The following USP33 variants were observed in gnomAD, a reference collection of about 807,000 sequenced individuals.
USP33 encodes ubiquitin specific peptidase 33, also known as ubiquitin carboxyl-terminal hydrolase 33.
In USP33, 46 loss-of-function variants were observed where a neutral mutation model predicts 124.2. The observed-to-expected ratio is 0.37, with a 90% CI of 0.29 to 0.47. The LOEUF (loss-of-function observed/expected upper bound fraction) is 0.47. Among genes scored for constraint, USP33 ranks in the 20% least tolerant of loss-of-function variants. The probability of loss-of-function intolerance (pLI) is 0.99; values close to 1 mark genes in which losing one functional copy is unlikely to be tolerated. For missense variants in USP33, 851 were observed against 1,070.6 expected (o/e 0.79, Z 2.86); for synonymous variants, 350 against 352.3 (o/e 0.99, Z 0.07).
At chr1:77,733,926 T>C (rs183249792) in intron 7 of USP33, among the ~76,000 whole-genome samples, 1 of 152,266 alleles carries the variant, frequency 6.6e-6, no homozygotes, top group Non-Finnish European at 1.5e-5. Context: ...ATCACCTGAC[T>C]CAATGCATCC....
At chr1:77,753,057 T>C (rs929704697) in intron 1 of USP33, among the ~76,000 whole-genome samples, 1 of 151,864 alleles carries the variant, frequency 6.6e-6, no homozygotes. Flanking sequence ...CCAGTCTGGG[T>C]GACAAGAGCA....
At position 77,729,798 on chromosome 1, in the gene USP33, AC is replaced by A. The variant is rs1267479602; in HGVS notation, c.717+61del. 5.2e-6 allele frequency: 8 copies of A among 1,546,118 alleles called. No individual in the cohort carries two copies. The South Asian group carries it at 5.7e-5, about 11-fold the overall frequency. ...CAAAAGATAAGTAGACCCAAAAAAA[AC>A]ATAATGGCATTTTCCAAATTTATTT... On this transcript the variant is annotated intron_variant, in intron 9 of 23. Coordinates refer to ENST00000370794, the MANE Select transcript of USP33 (RefSeq NM_201624.3).
chr1:77,753,011 G>A (rs574944588), intron 1 of USP33, among the ~76,000 whole-genome samples: 1 of 152,216 alleles, frequency 6.6e-6, no homozygotes, highest in South Asian at 2.1e-4. Flanking sequence ...CCCGCGAAGA[G>A]GAGGTCGAAG....
rs776235721 is a variant in USP33, at chr1:77,697,264, A to G, written c.*53T>C. The G allele has an allele frequency of 2.0e-6, 3 of 1,469,382 alleles. No homozygotes were observed. The African/African-American group carries it at 4.3e-5, about 21-fold the overall frequency. The allele number at this position is 1,469,382 out of a possible 1,614,324, so 91.0% of individuals were successfully genotyped here. A position where few individuals can be genotyped will look rare whatever the true frequency, so the allele number is the denominator to read the frequency against. On this transcript the variant is annotated 3_prime_UTR_variant, in exon 24 of 24. Coordinates refer to ENST00000370794, the MANE Select transcript of USP33 (RefSeq NM_201624.3). ...TTTAGGAATGTTTTCGCATGTGTAC[A>G]TGTCAGGGCACATGAAAATGATTCC...
intron 21 of USP33, among the ~76,000 whole-genome samples, chr1:77,706,945 C>G (rs1357047970): frequency 6.6e-6 from 1 of 152,188 alleles, no homozygotes; most frequent in East Asian, 1.9e-4. Flanking sequence ...GTGAACACAA[C>G]AACAATTTGA....
chr1:77,734,320 TAAAAC>T, intron 7 of USP33, 22 bp downstream of exon 7: 3 of 1,513,754 alleles, frequency 2.0e-6, no homozygotes, highest in Non-Finnish European at 2.7e-6. Flanking sequence ...ATTATACAAA[TAAAAC>T]AAAATTAATT....
chr1:77,739,226 A>T, intron 5 of USP33, 39 bp downstream of exon 5: 1 of 1,566,572 alleles, frequency 6.4e-7, no homozygotes, highest in Non-Finnish European at 8.6e-7. Context: ...TTATTACCGG[A>T]ATGTTTTACA....
intron 1 of USP33, among the ~76,000 whole-genome samples, chr1:77,748,024 C>T (rs1239292264): frequency 6.6e-6 from 1 of 152,214 alleles, no homozygotes; most frequent in Non-Finnish European, 1.5e-5. Flanking sequence ...ACAAAAGACA[C>T]ACCTCCTCAC....
intron 1 of USP33, among the ~76,000 whole-genome samples, chr1:77,744,911 G>A (rs1679568486): frequency 6.6e-6 from 1 of 152,232 alleles, no homozygotes; most frequent in South Asian, 2.1e-4. Flanking sequence ...TTGATATGGT[G>A]TGGAAAGTTC....
chr1:77,727,060 T>A (rs976439118), intron 10 of USP33, among the ~76,000 whole-genome samples: 1 of 152,208 alleles, frequency 6.6e-6, no homozygotes, highest in East Asian at 1.9e-4. Context: ...AATATTTCAA[T>A]CATGACTAAA....
At chr1:77,738,500 A>G (rs1397958799) in intron 5 of USP33, among the ~76,000 whole-genome samples, 4 of 148,090 alleles carry the variant, frequency 2.7e-5, no homozygotes, top group Non-Finnish European at 4.5e-5. Context: ...TTTTTTTTTT[A>G]GATGGAGTCT....
In USP33 at chr1:77,723,385, T is replaced by C; in HGVS notation, c.1335A>G (p.Ser445=). 6.2e-7 allele frequency: 1 copy of C among 1,613,552 alleles called. No individual in the cohort carries two copies. The highest frequency in any genetic ancestry group is 8.5e-7 in the Non-Finnish European group (1 of 1,179,794). Residue 445 remains serine (S), a synonymous_variant, in exon 12 of 24, where the codon TCA becomes TCG. Transcript: ENST00000370794. ...TAATGATTGTTCCATCAAATATGTC[T>C]GAAATAACACTTCTGTATTTCTTGT... ...KQHKKYRSVI[S]DIFDGTIISS...
intron 15 of USP33, among the ~76,000 whole-genome samples, chr1:77,719,936 C>T (rs1676371392): frequency 6.6e-6 from 1 of 150,690 alleles, no homozygotes; most frequent in Non-Finnish European, 1.5e-5. Context: ...CCAATGTTGG[C>T]AAATCATGCA....
At chr1:77,714,103 A>G (rs1675595815) in intron 19 of USP33, among the ~76,000 whole-genome samples, 1 of 152,206 alleles carries the variant, frequency 6.6e-6, no homozygotes, top group South Asian at 2.1e-4. Context: ...CACAAGGGCC[A>G]AAGTTATATT....
chr1:77,703,679 T>C (rs898547326), intron 21 of USP33, among the ~76,000 whole-genome samples: 1 of 152,124 alleles, frequency 6.6e-6, no homozygotes, highest in Non-Finnish European at 1.5e-5. Flanking sequence ...ACCAGTGTAA[T>C]CTTGGTGCCT....
At position 77,696,619 on chromosome 1, in the gene USP33, T is replaced by C. The variant is rs942419624; in HGVS notation, c.*698A>G. The C allele has an allele frequency of 6.6e-6, 1 of 152,220 alleles. No homozygotes were observed. Among genetic ancestry groups the C allele is most frequent in the South Asian group, 2.1e-4 (1 of 4,830 alleles). The allele number at this position is 152,220 out of a possible 1,614,324, so 9.4% of individuals were successfully genotyped here. A position where few individuals can be genotyped will look rare whatever the true frequency, so the allele number is the denominator to read the frequency against. On this transcript the variant is annotated 3_prime_UTR_variant, in exon 24 of 24. Transcript: ENST00000370794. ...GCCATGACAAAACTATACAATTAAATTGGGCTTTTGGAGAACTGAAAGACT... is the reference window on the plus strand; with the variant it reads ...GCCATGACAAAACTATACAATTAAACTGGGCTTTTGGAGAACTGAAAGACT...
At chr1:77,725,516 G>A (rs534792776) in intron 11 of USP33, 106 bp downstream of exon 11, 7 of 1,423,036 alleles carry the variant, frequency 4.9e-6, no homozygotes, top group African/African-American at 1.5e-5. Flanking sequence ...AATTTTAAAA[G>A]ATCAAATCAT....
rs1014982363 is a variant in USP33 at position 77,697,853 on chromosome 1, T to C, written c.2578+10A>G. The C allele has an allele frequency of 5.6e-6, 9 of 1,604,396 alleles. No homozygotes were observed. Among genetic ancestry groups the C allele is most frequent in the Non-Finnish European group, 7.6e-6 (9 of 1,176,512 alleles). On this transcript the variant is annotated intron_variant, in intron 23 of 23. Transcript: ENST00000370794. ...TCACAAGTAAAAGCTTAAATACGAG[T>C]CAAACTTACCTTGCCTAAGCATCAC... is the stretch of plus-strand genomic sequence containing the variant.
At chr1:77,750,628 GAAAGAA>G (rs1557872696) in intron 1 of USP33, among the ~76,000 whole-genome samples, 27 of 35,436 alleles carry the variant, frequency 7.6e-4, no homozygotes, top group Non-Finnish European at 1.3e-3. Flanking sequence ...ACTTAAAAAA[GAAAGAA>G]AGAAAGAAAG....
Sources: gnomAD v4.1 joint callset for allele counts (sites outside exome capture counted in the v4.1 genomes callset) on GRCh38, gnomAD v4.1.1 for gene constraint, MANE v1.5 for transcripts, NCBI Gene and HGNC (gene_info 2026-07-23, HGNC 2026-07-21) for gene names.